The following PPP2R2C variants were observed in gnomAD, a reference collection of about 807,000 sequenced individuals.
The protein encoded by PPP2R2C is protein phosphatase 2, regulatory subunit B, gamma.
In PPP2R2C, 10 loss-of-function variants were observed where a neutral mutation model predicts 45.3. That is an observed-to-expected ratio of 0.22 (90% CI 0.14 to 0.37). The LOEUF is 0.37. Ranked by LOEUF, PPP2R2C falls within the 10% of genes least tolerant of loss-of-function variation. The pLI is 1.00. For synonymous variants in PPP2R2C, 257 were observed against 245.4 expected (o/e 1.05, Z -0.44); for missense variants, 308 against 619.7 (o/e 0.50, Z 5.34).
At position 6,449,198 on chromosome 4, in the gene PPP2R2C, C is replaced by G. The variant is rs111729329; in HGVS notation, c.70+22962G>C. Reference sequence around the variant, plus strand: ...GGATTTACCTTCAGATACACTGGCACAGCTGTGAATTCGCAGCACCGTGCG... The same window carrying G: ...GGATTTACCTTCAGATACACTGGCAGAGCTGTGAATTCGCAGCACCGTGCG... On this transcript the variant is annotated intron_variant, in intron 1 of 8. Coordinates refer to ENST00000382599, the MANE Select transcript of PPP2R2C (RefSeq NM_020416.4). Among the ~76,000 whole-genome samples the G allele has an allele frequency of 8.6e-3, 1,316 of 152,318 alleles. 13 individuals are homozygous for G. The highest frequency in any genetic ancestry group is 0.03 in the African/African-American group (1,230 of 41,564).
intron 5 of PPP2R2C, among the ~76,000 whole-genome samples, chr4:6,355,468 T>A (rs981302581): frequency 4.7e-5 from 7 of 150,138 alleles, no homozygotes; most frequent in Admixed American, 6.7e-5. Flanking sequence ...TGTATACATA[T>A]GTAACTAACC....
At chr4:6,543,527 C>G (rs1724875702) in intron 1 of PPP2R2C, among the ~76,000 whole-genome samples, 1 of 152,164 alleles carries the variant, frequency 6.6e-6, no homozygotes, top group South Asian at 2.1e-4. Flanking sequence ...TCGAGACCAG[C>G]CTGACCAACC....
intron 2 of PPP2R2C, among the ~76,000 whole-genome samples, chr4:6,478,137 G>A (rs997285034): frequency 1.3e-5 from 2 of 152,142 alleles, no homozygotes; most frequent in South Asian, 2.1e-4. Context: ...TGCTCCCGCC[G>A]ACAGTGCCAT....
At chr4:6,394,494 C>A (rs1226002377) in intron 1 of PPP2R2C, among the ~76,000 whole-genome samples, 2 of 152,224 alleles carry the variant, frequency 1.3e-5, no homozygotes, top group African/African-American at 4.8e-5. Flanking sequence ...TGGTAAATTG[C>A]AGCTGGGGGA....
intron 1 of PPP2R2C, among the ~76,000 whole-genome samples, chr4:6,412,214 G>A (rs956366254): frequency 6.6e-6 from 1 of 152,230 alleles, no homozygotes; most frequent in African/African-American, 2.4e-5. Flanking sequence ...AATGACTTCA[G>A]AAGGTGATGA....
At chr4:6,443,776 C>T (rs534841999) in intron 1 of PPP2R2C, among the ~76,000 whole-genome samples, 24 of 152,020 alleles carry the variant, frequency 1.6e-4, no homozygotes, top group Non-Finnish European at 8.8e-5. Context: ...CCCACCCCAC[C>T]GCCCCCCCGG....
At chr4:6,356,188 T>A (rs1713172029) in intron 5 of PPP2R2C, among the ~76,000 whole-genome samples, 1 of 152,140 alleles carries the variant, frequency 6.6e-6, no homozygotes. Context: ...GTCATTCACC[T>A]GACTAGGCAA....
chr4:6,510,955 C>G (rs1577228494), intron 2 of PPP2R2C, among the ~76,000 whole-genome samples: 1 of 124,606 alleles, frequency 8.0e-6, no homozygotes, highest in African/African-American at 3.0e-5. Context: ...CCAGCCTCGG[C>G]AACAGAGTGA....
intron 1 of PPP2R2C, among the ~76,000 whole-genome samples, chr4:6,399,959 G>A (rs1169236873): frequency 6.6e-6 from 1 of 152,250 alleles, no homozygotes; most frequent in Non-Finnish European, 1.5e-5. Flanking sequence ...TGTGTTTCCT[G>A]CTCTGTCTCC....
At chr4:6,458,117 A>C (rs901939199) in intron 1 of PPP2R2C, among the ~76,000 whole-genome samples, 3 of 152,168 alleles carry the variant, frequency 2.0e-5, no homozygotes, top group Admixed American at 2.0e-4. Flanking sequence ...GACTCCATTT[A>C]CCTCCAATTT....
intron 5 of PPP2R2C, among the ~76,000 whole-genome samples, chr4:6,359,626 A>G (rs1713548297): frequency 6.8e-6 from 1 of 147,198 alleles, no homozygotes; most frequent in African/African-American, 2.5e-5. Context: ...TTCACCTGTA[A>G]AAAAAAAAAA....
At chr4:6,494,804 C>A (rs1342066313) in intron 2 of PPP2R2C, among the ~76,000 whole-genome samples, 1 of 152,222 alleles carries the variant, frequency 6.6e-6, no homozygotes, top group Non-Finnish European at 1.5e-5. Flanking sequence ...GGGGCCAACG[C>A]TCATGCAACT....
In PPP2R2C at chr4:6,430,453, G is replaced by C. The variant is rs144684507; in HGVS notation, c.70+41707C>G. ...AAGAGGAGAGAAATGACTTCCCTAC[G>C]TGACTCCCCCACTCCAGAGTGCTGG... On this transcript the variant is annotated intron_variant, in intron 1 of 8. Transcript: ENST00000382599. Among the ~76,000 whole-genome samples the C allele has an allele frequency of 3.3e-3, 506 of 152,236 alleles. 5 individuals are homozygous for C. The highest frequency in any genetic ancestry group is 0.012 in the African/African-American group (479 of 41,556).
chr4:6,533,052 G>A (rs976328818), intron 2 of PPP2R2C, among the ~76,000 whole-genome samples: 13 of 152,200 alleles, frequency 8.5e-5, no homozygotes, highest in South Asian at 2.1e-4. Context: ...GATGAGAGAC[G>A]GCTCTGGTCT....
At position 6,471,138 on chromosome 4, in the gene PPP2R2C, G is replaced by A. The variant is rs979729944; in HGVS notation, c.70+1022C>T. ...CACGCGCACCTGCCCCGCGGGACCC[G>A]TGCCCAGGGCCCCTCCCACTGGGGC... On this transcript the variant is annotated intron_variant, in intron 1 of 8. Transcript: ENST00000382599. The surrounding 1 kb of genome is among the most constrained non-coding windows in gnomAD (Gnocchi z 5.6). 1.3e-5 allele frequency among the ~76,000 whole-genome samples: 2 copies of A among 152,184 alleles called. No individual in the cohort carries two copies. The highest frequency in any genetic ancestry group is 2.9e-5 in the Non-Finnish European group (2 of 68,014).
chr4:6,472,736 C>T (rs1418805580), upstream of PPP2R2C, among the ~76,000 whole-genome samples: 5 of 151,722 alleles, frequency 3.3e-5, no homozygotes, highest in Non-Finnish European at 7.4e-5. Context: ...CCGCCGTGCT[C>T]GGGCCCTCGC....
chr4:6,481,055 T>A lies in PPP2R2C; in HGVS notation c.49+54216A>T, dbSNP rs567678128. Among the ~76,000 whole-genome samples the A allele has an allele frequency of 3.9e-5, 6 of 152,368 alleles. No homozygotes were observed. The East Asian group carries it at 7.7e-4, about 20-fold the overall frequency. On this transcript the variant is annotated intron_variant, in intron 2 of 9. Transcript: ENST00000506140. ...TGATATAATTGTATCCTCTGCTGTT[T>A]ATATGTGTTGCAAACCTATCCTCTG... is the stretch of plus-strand genomic sequence containing the variant.
chr4:6,373,229 C>T (rs1246849505), intron 4 of PPP2R2C, among the ~76,000 whole-genome samples: 1 of 152,192 alleles, frequency 6.6e-6, no homozygotes, highest in African/African-American at 2.4e-5. Flanking sequence ...GACTGAGACT[C>T]ATGGGATGGG....
chr4:6,370,481 A>C (rs115309674), intron 5 of PPP2R2C, among the ~76,000 whole-genome samples: 2,596 of 152,276 alleles, frequency 0.017, 77 homozygotes, highest in African/African-American at 0.059. Flanking sequence ...CTCCAGCACC[A>C]GGGAGAGGTA....
Sources: gnomAD v4.1 joint callset for allele counts (sites outside exome capture counted in the v4.1 genomes callset) on GRCh38, gnomAD v4.1.1 for gene constraint, Gnocchi (gnomAD v3.1) non-coding constraint, MANE v1.5 for transcripts, NCBI Gene and HGNC (gene_info 2026-07-23, HGNC 2026-07-21) for gene names.